The following GLCCI1 variants were observed in gnomAD, a reference collection of about 807,000 sequenced individuals.
The protein encoded by GLCCI1 is glucocorticoid induced 1.
A neutral mutation model predicts 52.2 loss-of-function variants in GLCCI1; 24 were observed. The ratio of observed to expected loss-of-function variants is 0.46; its 90% CI spans 0.33 to 0.65. GLCCI1 has a LOEUF of 0.65. Ranked by LOEUF, GLCCI1 falls within the 30% of genes least tolerant of loss-of-function variation. GLCCI1 has a pLI of 0.02. For missense variants in GLCCI1, 704 were observed against 701.5 expected (o/e 1.00, Z -0.04); for synonymous variants, 310 against 276.5 (o/e 1.12, Z -1.20).
At position 7,971,526 on chromosome 7, in the gene GLCCI1, A is replaced by G. The variant is rs560906240; in HGVS notation, c.457+1719A>G. Reference sequence around the variant, plus strand: ...AAAATAAGCATTGCAGATTGTGTACAGAGGGTCTGGTGGGTGTGAGTAAGA... The same window carrying G: ...AAAATAAGCATTGCAGATTGTGTACGGAGGGTCTGGTGGGTGTGAGTAAGA... On this transcript the variant is annotated intron_variant, in intron 1 of 7. Transcript: ENST00000223145. Among the ~76,000 whole-genome samples the G allele has an allele frequency of 2.0e-5, 3 of 152,310 alleles. No homozygotes were observed. The East Asian group carries it at 5.8e-4, about 29-fold the overall frequency.
intron 6 of GLCCI1, 66 bp downstream of exon 6, chr7:8,071,197 C>A (rs1361638739): frequency 2.5e-6 from 3 of 1,221,918 alleles, no homozygotes; most frequent in Admixed American, 2.2e-5. Context: ...TTGTCTTAGA[C>A]CATTACATCT....
chr7:7,989,308 T>G (rs935411734), intron 1 of GLCCI1, among the ~76,000 whole-genome samples: 1 of 152,192 alleles, frequency 6.6e-6, no homozygotes, highest in African/African-American at 2.4e-5. Context: ...TTATCTAATC[T>G]GTCACATTGG....
intron 2 of GLCCI1, among the ~76,000 whole-genome samples, chr7:8,005,508 GT>G (rs1781131289): frequency 6.6e-6 from 1 of 152,184 alleles, no homozygotes; most frequent in African/African-American, 2.4e-5. Flanking sequence ...TGGAAAAGCA[GT>G]CACTCAGGGA....
Position 8,071,019 on chromosome 7 carries a change from G to T in GLCCI1, c.1065G>T (p.Glu355Asp). Residue 355 changes from glutamate to aspartate, a missense_variant, in exon 6 of 8, where the codon GAG (glutamate) becomes GAT (aspartate). By Grantham distance (45) the Glu-to-Asp change is conservative. Coordinates refer to ENST00000223145, the MANE Select transcript of GLCCI1 (RefSeq NM_138426.4). ...ACACTCAGACTCCTTCTGTCCAGGA[G>T]CGCAGCAGTAGCTGCAGCAGTCATT... ...SIDTQTPSVQ[E>D]RSSSCSSHSP... 1 of 1,613,984 alleles carries T rather than the reference G, an allele frequency of 6.2e-7. No individual in the cohort carries two copies. Among genetic ancestry groups the T allele is most frequent in the Non-Finnish European group, 8.5e-7 (1 of 1,179,880 alleles).
chr7:8,004,303 CGTT>C lies in GLCCI1; in HGVS notation c.609+247_609+249del, dbSNP rs1781105019. ...AGTCTATATTACATGGTTGTAGACA[CGTT>C]GTAATTTTAAGAATTGCTTTCCAAT... is the stretch of plus-strand genomic sequence containing the variant. On this transcript the variant is annotated intron_variant, in intron 2 of 7. Transcript: ENST00000223145. 2.3e-5 allele frequency: 7 copies of C among 297,988 alleles called. No homozygotes were observed. The Admixed American group carries it at 2.4e-4, about 10-fold the overall frequency. The allele number at this position is 297,988 out of a possible 1,614,324, so 18.5% of individuals were successfully genotyped here.
chr7:8,062,440 G>A (rs1403578457), intron 5 of GLCCI1, among the ~76,000 whole-genome samples: 1 of 152,162 alleles, frequency 6.6e-6, no homozygotes, highest in Non-Finnish European at 1.5e-5. Flanking sequence ...TATAGTTTTT[G>A]TTTAGCAGCA....
At chr7:8,069,648 CCTCT>C (rs903311744) in intron 5 of GLCCI1, among the ~76,000 whole-genome samples, 7 of 151,992 alleles carry the variant, frequency 4.6e-5, no homozygotes, top group African/African-American at 1.4e-4. Context: ...AAGCCCTCGG[CCTCT>C]CTGTTTCTTC....
intron 1 of GLCCI1, among the ~76,000 whole-genome samples, chr7:7,996,414 TA>T (rs886452177): frequency 4.6e-4 from 68 of 147,662 alleles, no homozygotes; most frequent in Admixed American, 8.1e-4. Context: ...TATATGTAAT[TA>T]AAAAAAAAAA....
chr7:8,031,861 CATA>C (rs1781759202), intron 3 of GLCCI1, among the ~76,000 whole-genome samples: 2 of 151,838 alleles, frequency 1.3e-5, no homozygotes, highest in African/African-American at 4.8e-5. Flanking sequence ...AGGAAAGTTT[CATA>C]ATAATAAAAA....
chr7:8,044,596 C>T (rs1358526895), intron 3 of GLCCI1, among the ~76,000 whole-genome samples: 1 of 152,136 alleles, frequency 6.6e-6, no homozygotes, highest in Non-Finnish European at 1.5e-5. Flanking sequence ...GTCTCAATCT[C>T]CTGGGCTCAA....
chr7:8,029,688 A>G (rs1781702222), intron 3 of GLCCI1, among the ~76,000 whole-genome samples: 1 of 89,618 alleles, frequency 1.1e-5, no homozygotes. Flanking sequence ...AAAAGCTATT[A>G]AAACTGATAA....
rs531377681 is a variant in GLCCI1, at chr7:8,087,132, G to A, written c.*594G>A. On this transcript the variant is annotated 3_prime_UTR_variant, in exon 8 of 8. Transcript: ENST00000223145. ...ATTTCACAGCTAAAAAGCTAAAGAG[G>A]GAACATCACTCTTTTGCCTTTCCTT... 3.3e-5 allele frequency: 5 copies of A among 152,698 alleles called. No individual in the cohort carries two copies. The East Asian group carries it at 9.6e-4, about 29-fold the overall frequency. The allele number at this position is 152,698 out of a possible 1,614,324, so 9.5% of individuals were successfully genotyped here. A position where few individuals can be genotyped will look rare whatever the true frequency, so the allele number is the denominator to read the frequency against.
chr7:7,981,729 A>G (rs749262055), intron 1 of GLCCI1: 12 of 284,516 alleles, frequency 4.2e-5, no homozygotes, highest in Non-Finnish European at 8.3e-5. Context: ...GTTAAATGGA[A>G]GGAAAAAGTG....
At chr7:7,999,176 A>G (rs1191851883) in intron 1 of GLCCI1, among the ~76,000 whole-genome samples, 1 of 152,060 alleles carries the variant, frequency 6.6e-6, no homozygotes, top group East Asian at 1.9e-4. Context: ...AGAGATAGAT[A>G]AAGATTCAAT....
At chr7:8,021,953 A>G (rs1350304637) in intron 2 of GLCCI1, among the ~76,000 whole-genome samples, 6 of 152,136 alleles carry the variant, frequency 3.9e-5, no homozygotes, top group Non-Finnish European at 7.4e-5. Flanking sequence ...TCACTTTTAT[A>G]ATAACTTTAT....
At chr7:7,976,687 A>G (rs1583938891) in intron 1 of GLCCI1, among the ~76,000 whole-genome samples, 1 of 151,746 alleles carries the variant, frequency 6.6e-6, no homozygotes, top group Admixed American at 6.6e-5. Flanking sequence ...TGAGGCAGGC[A>G]GATGGCTTGA....
intron 3 of GLCCI1, among the ~76,000 whole-genome samples, chr7:8,052,278 A>T (rs950384845): frequency 1.3e-5 from 2 of 152,184 alleles, no homozygotes; most frequent in Admixed American, 6.5e-5. Flanking sequence ...CAAACCAAAG[A>T]TGGCACCCTA....
chr7:8,012,423 CTTTTTATTCTTTTTTTTTT>C (rs1781282236), intron 2 of GLCCI1, among the ~76,000 whole-genome samples: 1 of 105,684 alleles, frequency 9.5e-6, no homozygotes, highest in Non-Finnish European at 2.0e-5. Context: ...TGTGGGTTGC[CTTTTTATTCTTTTTTTTTT>C]TTTTTTTTTT....
Position 7,969,383 on chromosome 7 carries a change from T to C in GLCCI1, c.33T>C (p.Ser11=), listed in dbSNP as rs1444724581. The part of the protein sequence containing the change: MSTASSSSSS[S]SSQTPHPPSQ... ...CTGCCTCCTCCTCCTCCTCCTCCAG[T>C]TCCTCTCAGACCCCTCATCCCCCGT... Residue 11 remains serine, a synonymous_variant, in exon 1 of 8, where the codon AGT becomes AGC. Coordinates refer to ENST00000223145, the MANE Select transcript of GLCCI1 (RefSeq NM_138426.4). This position sits in a 1 kb window ranked among gnomAD's most constrained non-coding sequence, Gnocchi z 4.9. 1 of 1,445,570 alleles carries C rather than the reference T, an allele frequency of 6.9e-7. No homozygotes were observed. The highest frequency in any genetic ancestry group is 3.1e-5 in the East Asian group (1 of 32,234). The allele number at this position is 1,445,570 out of a possible 1,614,324, so 89.5% of individuals were successfully genotyped here.
Sources: gnomAD v4.1 joint callset for allele counts (sites outside exome capture counted in the v4.1 genomes callset) on GRCh38, gnomAD v4.1.1 for gene constraint, Gnocchi (gnomAD v3.1) non-coding constraint, MANE v1.5 for transcripts, NCBI Gene and HGNC (gene_info 2026-07-23, HGNC 2026-07-21) for gene names.